The following NEFH variants were observed in gnomAD, a reference collection of about 807,000 sequenced individuals.
The protein encoded by NEFH is neurofilament heavy chain, also known as neurofilament heavy polypeptide.
NEFH carries 58 observed loss-of-function variants against 56.6 expected under a neutral mutation model. The ratio of observed to expected loss-of-function variants is 1.03; its 90% CI spans 0.83 to 1.28. NEFH has a LOEUF of 1.28. Ranked by LOEUF, NEFH falls within the 50% of genes most tolerant of loss-of-function variation. The pLI is 0.00. For missense variants in NEFH, 1,221 were observed against 1,307.6 expected (o/e 0.93, Z 1.02); for synonymous variants, 542 against 545.8 (o/e 0.99, Z 0.10).
Position 29,480,724 on chromosome 22 carries a change from C to CG in NEFH, c.464dup (p.Ala156ArgfsTer124). 1.3e-6 allele frequency: 2 copies of CG among 1,499,568 alleles called. No individual in the cohort carries two copies. Among genetic ancestry groups the CG allele is most frequent in the Non-Finnish European group, 1.8e-6 (2 of 1,133,272 alleles). The allele number at this position is 1,499,568 out of a possible 1,614,324, so 92.9% of individuals were successfully genotyped here. A position where few individuals can be genotyped will look rare whatever the true frequency, so the allele number is the denominator to read the frequency against. On this transcript the variant is annotated frameshift_variant, in exon 1 of 4. Transcript: ENST00000310624. LOFTEE classifies it high-confidence loss of function. ...ACGAGCGCGAGGTCCGCGAGATGCG[C>CG]GGCGCGGTGCTGCGCCTGGGCGCGG...
rs2063063757 is a variant in NEFH at position 29,489,394 on chromosome 22, A to G, written c.1754A>G (p.Lys585Arg). The G allele has an allele frequency of 1.2e-6, 2 of 1,613,086 alleles. No homozygotes were observed. The highest frequency in any genetic ancestry group is 1.7e-6 in the Non-Finnish European group (2 of 1,179,356). The change falls in exon 4 of 4, where the codon AAG becomes AGG. Residue 585 changes from lysine to arginine, a missense_variant. By Grantham distance (26) the Lys-to-Arg change is conservative. Transcript: ENST00000310624. ...GAGGTCAAGTCCCCCGAGAAGGCCA[A>G]GTCCCCAGCAAAGGAAGAGGCAAAG... The part of the protein sequence containing the change: ...PAEVKSPEKA[K>R]SPAKEEAKSP...
intron 2 of NEFH, among the ~76,000 whole-genome samples, chr22:29,484,705 T>C (rs984314659): frequency 6.6e-6 from 1 of 152,140 alleles, no homozygotes; most frequent in Non-Finnish European, 1.5e-5. Context: ...TGTGTGTGCC[T>C]ACAGTCCTAG....
Position 29,489,348 on chromosome 22 carries a change from G to A in NEFH, c.1708G>A (p.Glu570Lys), listed in dbSNP as rs752986058. The A allele has an allele frequency of 6.2e-7, 1 of 1,612,786 alleles. No homozygotes were observed. Among genetic ancestry groups the A allele is most frequent in the South Asian group, 1.1e-5 (1 of 90,964 alleles). The change falls in exon 4 of 4, where the codon GAG (glutamate) becomes AAG (lysine). Residue 570 changes from glutamate to lysine, a missense_variant. Physicochemically the swap from Glu to Lys is moderately conservative, Grantham distance 56. Coordinates refer to ENST00000310624, the MANE Select transcript of NEFH (RefSeq NM_021076.4). ...GCCTGAGGCCAAGTCCCCAGAGAAG[G>A]AGGAAGCAAAATCTCCAGCTGAGGT... Reference protein sequence around the residue: ...SPPEAKSPEKEEAKSPAEVKS... With the variant: ...SPPEAKSPEKKEAKSPAEVKS...
rs114903253 is a variant in NEFH at position 29,485,901 on chromosome 22, C to T, written c.1208+54C>T. On this transcript the variant is annotated intron_variant, in intron 3 of 3. Coordinates refer to ENST00000310624, the MANE Select transcript of NEFH (RefSeq NM_021076.4). ...GAAGAAAGCTTGTGTTCCTGCGAGA[C>T]GCTAAGCCTTGGGTTTCAAGACCCC... 3.3e-3 allele frequency: 5,339 copies of T among 1,607,894 alleles called. 140 individuals are homozygous for T. The African/African-American group carries it at 0.061, about 19-fold the overall frequency.
At position 29,490,606 on chromosome 22, in the gene NEFH, C is replaced by A; in HGVS notation, c.2966C>A (p.Pro989His). 1 of 1,614,030 alleles carries A rather than the reference C, an allele frequency of 6.2e-7. No homozygotes were observed. The highest frequency in any genetic ancestry group is 2.2e-5 in the East Asian group (1 of 44,862). Residue 989 changes from proline to histidine, a missense_variant, in exon 4 of 4, where the codon CCT becomes CAT. Transcript: ENST00000310624. Reference sequence around the variant, plus strand: ...ACCCTCTCAAAAGAGCCTAGCAAGCCTAAGGCAGAAAAGGCTGAAAAATCC... The same window carrying A: ...ACCCTCTCAAAAGAGCCTAGCAAGCATAAGGCAGAAAAGGCTGAAAAATCC... ...DKTLSKEPSKPKAEKAEKSSS... is the reference protein window; with the variant it reads ...DKTLSKEPSKHKAEKAEKSSS...
At position 29,480,902 on chromosome 22, in the gene NEFH, G is replaced by C; in HGVS notation, c.640G>C (p.Val214Leu). Residue 214 changes from valine to leucine, a missense_variant, in exon 1 of 4, where the codon GTG becomes CTG. Around this residue, in one of 4 missense-constraint regions of NEFH, gnomAD observed 640 missense variants for 555.5 expected, o/e 1.15. Transcript: ENST00000310624. ...CGCGCAGGAGGCCGAGGCGGCGCGC[G>C]TGGACCTGCAGAAGAAGGCGCAGGC... ...RFAQEAEAAR[V>L]DLQKKAQALQ... 1 of 1,487,882 alleles carries C rather than the reference G, an allele frequency of 6.7e-7. No homozygotes were observed. Among genetic ancestry groups the C allele is most frequent in the Non-Finnish European group, 8.9e-7 (1 of 1,128,664 alleles). 92.2% of individuals were successfully genotyped at this position (1,487,882 alleles called of 1,614,324 possible). A position where few individuals can be genotyped will look rare whatever the true frequency, so the allele number is the denominator to read the frequency against.
chr22:29,490,187 C>T lies in NEFH; in HGVS notation c.2547C>T (p.Ala849=). 1 of 1,611,800 alleles carries T rather than the reference C, an allele frequency of 6.2e-7. No individual in the cohort carries two copies. Among genetic ancestry groups the T allele is most frequent in the Non-Finnish European group, 8.5e-7 (1 of 1,178,946 alleles). ...PKKAEEEKAP[A]TPKTEEKKDS... ...AGGCAGAGGAAGAGAAAGCCCCTGC[C>T]ACACCAAAAACAGAGGAGAAGAAGG... Residue 849 remains alanine, a synonymous_variant, in exon 4 of 4, where the codon GCC becomes GCT. Coordinates refer to ENST00000310624, the MANE Select transcript of NEFH (RefSeq NM_021076.4).
intron 3 of NEFH, among the ~76,000 whole-genome samples, chr22:29,486,897 TC>T (rs958196518): frequency 2.0e-5 from 3 of 152,246 alleles, no homozygotes; most frequent in Admixed American, 2.0e-4. Flanking sequence ...CCTCCCCAGA[TC>T]CAGCCAGCCA....
Position 29,483,433 on chromosome 22 carries a change from G to A in NEFH, c.942G>A (p.Ala314=), listed in dbSNP as rs1192848725. 6.8e-6 allele frequency: 11 copies of A among 1,613,944 alleles called. No individual in the cohort carries two copies. The highest frequency in any genetic ancestry group is 2.2e-5 in the South Asian group (2 of 91,090). The change falls in exon 2 of 4, where the codon GCG becomes GCA. Residue 314 remains alanine, a synonymous_variant. Transcript: ENST00000310624. ...TGAACACAGACGCTATGCGCTCAGCGCAGGAGGAGATAACTGAGTACCGGC... is the reference window on the plus strand; with the variant it reads ...TGAACACAGACGCTATGCGCTCAGCACAGGAGGAGATAACTGAGTACCGGC... The part of the protein sequence containing the change: ...AKVNTDAMRS[A]QEEITEYRRQ...
intron 3 of NEFH, among the ~76,000 whole-genome samples, chr22:29,486,566 A>T (rs193062610): frequency 9.6e-5 from 12 of 124,524 alleles, no homozygotes; most frequent in Non-Finnish European, 6.3e-5. Flanking sequence ...TCTGTTGCCC[A>T]GGCTGGAGTG....
intron 2 of NEFH, among the ~76,000 whole-genome samples, chr22:29,484,795 A>G (rs2063034612): frequency 6.6e-6 from 1 of 151,592 alleles, no homozygotes; most frequent in Non-Finnish European, 1.5e-5. Flanking sequence ...CTGGAGAAAG[A>G]CAGGAGCAAA....
At chr22:29,481,386 A>G (rs13054870) in intron 1 of NEFH, among the ~76,000 whole-genome samples, 1 of 151,404 alleles carries the variant, frequency 6.6e-6, no homozygotes, top group East Asian at 1.9e-4. Context: ...CTGTACTTCA[A>G]CTCTGGGCCC....
At chr22:29,481,934 C>G (rs1031972629) in intron 1 of NEFH, among the ~76,000 whole-genome samples, 3 of 152,154 alleles carry the variant, frequency 2.0e-5, no homozygotes, top group African/African-American at 7.2e-5. Flanking sequence ...GTTTTCATTT[C>G]TTTTTGAGTT....
In NEFH at chr22:29,480,997, C is replaced by T. The variant is rs1009478060; in HGVS notation, c.735C>T (p.Ile245=). The T allele has an allele frequency of 2.7e-5, 41 of 1,532,018 alleles. No individual in the cohort carries two copies. The Admixed American group carries it at 4.7e-4, about 18-fold the overall frequency. 94.9% of individuals were successfully genotyped at this position (1,532,018 alleles called of 1,614,324 possible). ...AGGTGGGCGAGCTGCTCGGCCAGATCCAGGGCTCCGGCGCCGCGCAGGCGC... is the reference window on the plus strand; with the variant it reads ...AGGTGGGCGAGCTGCTCGGCCAGATTCAGGGCTCCGGCGCCGCGCAGGCGC... ...QEEVGELLGQ[I]QGSGAAQAQM... is the part of the protein sequence containing the mutation. The change falls in exon 1 of 4, where the codon ATC becomes ATT. Residue 245 remains isoleucine (I), a synonymous_variant. Transcript: ENST00000310624.
chr22:29,481,117 C>A lies in NEFH; in HGVS notation c.855C>A (p.Ser285Arg), dbSNP rs1479105421. Residue 285 changes from serine to arginine, a missense_variant, in exon 1 of 4, where the codon AGC becomes AGA. Coordinates refer to ENST00000310624, the MANE Select transcript of NEFH (RefSeq NM_021076.4). ...AGCTTGAAGGCCACGCGGTGCAGAG[C>A]ACGCTGCAGTCCGAGGAGTGGTTCC... The part of the protein sequence containing the change: ...RAQLEGHAVQ[S>R]TLQSEEWFRV... 1.8e-5 allele frequency: 27 copies of A among 1,530,960 alleles called. No individual in the cohort carries two copies. The East Asian group carries it at 6.6e-4, about 38-fold the overall frequency. 94.8% of individuals were successfully genotyped at this position (1,530,960 alleles called of 1,614,324 possible). A position where few individuals can be genotyped will look rare whatever the true frequency, so the allele number is the denominator to read the frequency against.
At chr22:29,483,697 C>G (rs962965614) in intron 2 of NEFH, 123 bp downstream of exon 2, 2 of 809,718 alleles carry the variant, frequency 2.5e-6, no homozygotes, top group Non-Finnish European at 4.1e-6. Flanking sequence ...GTCAGACATA[C>G]CAGCACTTTC....
In NEFH at chr22:29,489,344, G is replaced by C. The variant is rs1334357536; in HGVS notation, c.1704G>C (p.Glu568Asp). 2 of 1,612,698 alleles carry C rather than the reference G, an allele frequency of 1.2e-6. No individual in the cohort carries two copies. The change falls in exon 4 of 4, where the codon GAG (glutamate) becomes GAC (aspartate). Residue 568 changes from glutamate to aspartate, a missense_variant. Glu to Asp is a conservative substitution (Grantham distance 45). This residue lies in a region of NEFH where 243 missense variants were observed against 299.1 expected (regional missense o/e 0.81). Coordinates refer to ENST00000310624, the MANE Select transcript of NEFH (RefSeq NM_021076.4). The part of the protein sequence containing the change: ...AKSPPEAKSP[E>D]KEEAKSPAEV... ...CACCGCCTGAGGCCAAGTCCCCAGA[G>C]AAGGAGGAAGCAAAATCTCCAGCTG...
chr22:29,483,090 G>A (rs949238939), intron 1 of NEFH, among the ~76,000 whole-genome samples: 4 of 152,138 alleles, frequency 2.6e-5, no homozygotes, highest in East Asian at 1.9e-4. Context: ...ACCGCCTGGC[G>A]AATGTGGCAA....
At chr22:29,483,276 C>CAAA (rs144426244) in intron 1 of NEFH, 99 bp from the exon 2 acceptor site, 434 of 930,234 alleles carry the variant, frequency 4.7e-4, no homozygotes, top group Non-Finnish European at 5.7e-4. Flanking sequence ...GAATCCGTCT[C>CAAA]AAAAAAAAAA....
Sources: gnomAD v4.1 joint callset for allele counts (sites outside exome capture counted in the v4.1 genomes callset) on GRCh38, gnomAD v4.1.1 for gene constraint, gnomAD v4.1.1 regional missense constraint, MANE v1.5 for transcripts, NCBI Gene and HGNC (gene_info 2026-07-23, HGNC 2026-07-21) for gene names.